Variants in SLC25A20 observed in about 807,000 individuals in gnomAD.
The protein encoded by SLC25A20 is solute carrier family 25 member 20.
In SLC25A20, 29 loss-of-function variants were observed where a neutral mutation model predicts 39.7. The ratio of observed to expected loss-of-function variants is 0.73; its 90% confidence interval spans 0.54 to 1.00. The LOEUF (loss-of-function observed/expected upper bound fraction) is 1.00. SLC25A20 is among the 50% of genes least tolerant of loss of function. The pLI is 0.00. For missense variants in SLC25A20, 333 were observed against 379.9 expected (o/e 0.88, Z 1.03); for synonymous variants, 103 against 142.2 (o/e 0.72, Z 1.96).
chr3:48,869,474 C>T (rs1194515537), intron 4 of SLC25A20, among the ~76,000 whole-genome samples: 1 of 152,068 alleles, frequency 6.6e-6, no homozygotes, highest in East Asian at 1.9e-4. Flanking sequence ...ATATGCCCAC[C>T]TCAGCCTCCC....
chr3:48,893,049 C>T (rs2083888443), intron 1 of SLC25A20, among the ~76,000 whole-genome samples: 1 of 150,374 alleles, frequency 6.7e-6, no homozygotes, highest in Non-Finnish European at 1.5e-5. Context: ...TTTTTGGAGA[C>T]AAGGTTTCAC....
At chr3:48,869,844 A>G (rs998479528) in intron 4 of SLC25A20, among the ~76,000 whole-genome samples, 2 of 152,106 alleles carry the variant, frequency 1.3e-5, no homozygotes, top group African/African-American at 4.8e-5. Flanking sequence ...GAAGCCAGGC[A>G]TGGTGGCTCA....
At chr3:48,865,719 A>G (rs570012577) in intron 4 of SLC25A20, among the ~76,000 whole-genome samples, 86 of 149,836 alleles carry the variant, frequency 5.7e-4, no homozygotes, top group African/African-American at 2.0e-3. Flanking sequence ...CAGTGAGCTG[A>G]TATCGCGCCA....
chr3:48,884,389 G>C (rs1018623470), intron 2 of SLC25A20, among the ~76,000 whole-genome samples: 1 of 151,772 alleles, frequency 6.6e-6, no homozygotes, highest in South Asian at 2.1e-4. Flanking sequence ...TCACTCTGTC[G>C]CCCAGGCTGG....
At chr3:48,894,268 CT>C (rs529100766) in intron 1 of SLC25A20, among the ~76,000 whole-genome samples, 233 of 115,004 alleles carry the variant, frequency 2.0e-3, no homozygotes, top group African/African-American at 2.2e-3. Context: ...ATTGGATTGT[CT>C]TTTTTTTTTT....
rs200732067 is a variant in SLC25A20 at position 48,862,662 on chromosome 3, G to A, written c.418-3C>T. ...CTTTCTCCTGAAGAAGCCTGAATCTGGGAGGGAGGAGAGGATCATTAAGTC... is the reference window on the plus strand; with the variant it reads ...CTTTCTCCTGAAGAAGCCTGAATCTAGGAGGGAGGAGAGGATCATTAAGTC... On this transcript the variant is annotated splice_region_variant and splice_polypyrimidine_tract_variant and intron_variant, in intron 4 of 8. Coordinates refer to ENST00000319017, the MANE Select transcript of SLC25A20 (RefSeq NM_000387.6). 1.9e-6 allele frequency: 3 copies of A among 1,591,022 alleles called. No homozygotes were observed. Among genetic ancestry groups the A allele is most frequent in the African/African-American group, 1.3e-5 (1 of 74,468 alleles).
At chr3:48,875,048 C>T (rs1466651945) in intron 4 of SLC25A20, among the ~76,000 whole-genome samples, 2 of 128,516 alleles carry the variant, frequency 1.6e-5, no homozygotes, top group African/African-American at 2.9e-5. Flanking sequence ...GGCAACTGAA[C>T]GAGACTCTGT....
At chr3:48,888,988 G>A (rs1455899668) in intron 2 of SLC25A20, among the ~76,000 whole-genome samples, 1 of 151,950 alleles carries the variant, frequency 6.6e-6, no homozygotes, top group Non-Finnish European at 1.5e-5. Context: ...GGAAGCTGAG[G>A]CAGGAGAATC....
intron 1 of SLC25A20, among the ~76,000 whole-genome samples, chr3:48,896,059 G>C (rs1349968277): frequency 6.6e-6 from 1 of 150,406 alleles, no homozygotes; most frequent in Non-Finnish European, 1.5e-5. Context: ...AGAATTGCTT[G>C]AACTCGGGAG....
At chr3:48,883,123 A>G (rs549108177) in intron 3 of SLC25A20, among the ~76,000 whole-genome samples, 1 of 152,030 alleles carries the variant, frequency 6.6e-6, no homozygotes, top group Admixed American at 6.6e-5. Flanking sequence ...TGAACCTGGG[A>G]TGTGGAGCTT....
At chr3:48,878,596 T>C (rs2083779229) in intron 4 of SLC25A20, among the ~76,000 whole-genome samples, 1 of 151,868 alleles carries the variant, frequency 6.6e-6, no homozygotes, top group African/African-American at 2.4e-5. Flanking sequence ...GGTCAGGAGT[T>C]CAAGACCAGC....
intron 4 of SLC25A20, among the ~76,000 whole-genome samples, chr3:48,872,705 G>C (rs1184522688): frequency 6.7e-6 from 1 of 148,782 alleles, no homozygotes; most frequent in East Asian, 2.0e-4. Flanking sequence ...AAAAAAAAAA[G>C]GTGTTTAATT....
intron 4 of SLC25A20, among the ~76,000 whole-genome samples, chr3:48,866,091 G>A (rs1276875463): frequency 6.6e-6 from 1 of 151,612 alleles, no homozygotes; most frequent in African/African-American, 2.4e-5. Flanking sequence ...CTGAGATCAT[G>A]CCACTGCACT....
At chr3:48,888,193 C>T (rs1234780173) in intron 2 of SLC25A20, among the ~76,000 whole-genome samples, 1 of 104,366 alleles carries the variant, frequency 9.6e-6, no homozygotes, top group Non-Finnish European at 1.8e-5. Context: ...AGTGGCAGAA[C>T]AAGACTCCAT....
chr3:48,888,261 T>C (rs1411479542), intron 2 of SLC25A20, among the ~76,000 whole-genome samples: 3 of 149,076 alleles, frequency 2.0e-5, no homozygotes, highest in African/African-American at 7.4e-5. Context: ...CAAGGACGGT[T>C]GGGCAGGCAC....
intron 2 of SLC25A20, among the ~76,000 whole-genome samples, chr3:48,888,574 T>TAAAC (rs1271092592): frequency 8.4e-6 from 1 of 119,676 alleles, no homozygotes; most frequent in African/African-American, 4.6e-5. Context: ...TGTCTCAAAA[T>TAAAC]AAATAAATAA....
intron 5 of SLC25A20, among the ~76,000 whole-genome samples, chr3:48,861,747 C>T (rs557768198): frequency 3.0e-4 from 45 of 151,760 alleles, no homozygotes; most frequent in African/African-American, 1.1e-3. Flanking sequence ...AATAATAAGG[C>T]CGGGTGCGGT....
intron 6 of SLC25A20, 69 bp from the exon 7 acceptor site, chr3:48,859,270 G>C (rs934687715): frequency 7.1e-7 from 1 of 1,412,426 alleles, no homozygotes; most frequent in Non-Finnish European, 1.0e-6. Context: ...TATCCTGCCT[G>C]TGGCAGACAG....
chr3:48,891,674 G>A (rs1047470113), intron 2 of SLC25A20, among the ~76,000 whole-genome samples: 2 of 152,146 alleles, frequency 1.3e-5, no homozygotes, highest in African/African-American at 4.8e-5. Flanking sequence ...ACCCAGCTCA[G>A]ATGTACATTT....
Sources: allele counts gnomAD v4.1 joint callset (sites outside exome capture counted in the v4.1 genomes callset), GRCh38; gene constraint gnomAD v4.1.1; transcripts MANE v1.5; gene names NCBI Gene and HGNC (gene_info 2026-07-23, HGNC 2026-07-21).